FRAS1: variants seen among roughly 807,000 people sequenced by gnomAD.
FRAS1 encodes extracellular matrix organizing protein FRAS1.
FRAS1 carries 290 observed loss-of-function variants against 435.2 expected under a neutral mutation model. That is an observed-to-expected ratio of 0.67 (90% CI 0.61 to 0.73). The LOEUF (loss-of-function observed/expected upper bound fraction) is 0.73. Ranked by LOEUF, FRAS1 falls within the 30% of genes least tolerant of loss-of-function variation. The pLI is 0.00. For missense variants in FRAS1, 4,860 were observed against 5,001.5 expected, an observed-to-expected ratio of 0.97 and a Z score of 0.85; for synonymous variants, 1,800 against 1,851.0, an observed-to-expected ratio of 0.97 and a Z score of 0.71.
chr4:78,149,059 A>C (rs10440393), intron 2 of FRAS1, among the ~76,000 whole-genome samples: 13,900 of 152,222 alleles, frequency 0.091, 810 homozygotes, highest in African/African-American at 0.16. Context: ...GAATAAAGCA[A>C]CAGACTTGGA....
At chr4:78,195,218 C>T (rs940606276) in intron 2 of FRAS1, among the ~76,000 whole-genome samples, 9 of 152,326 alleles carry the variant, frequency 5.9e-5, no homozygotes, top group Admixed American at 2.6e-4. Flanking sequence ...ACTCGGGGGT[C>T]AGGGACCCAC....
At chr4:78,515,413 G>A (rs12507063) in intron 65 of FRAS1, among the ~76,000 whole-genome samples, 16 of 150,726 alleles carry the variant, frequency 1.1e-4, no homozygotes, top group Admixed American at 9.3e-4. Context: ...GAGCCATACA[G>A]TAAATCCATT....
At chr4:78,304,543 T>G (rs1048607336) in intron 14 of FRAS1, among the ~76,000 whole-genome samples, 1 of 152,028 alleles carries the variant, frequency 6.6e-6, no homozygotes, top group Non-Finnish European at 1.5e-5. Context: ...CAATTTCAGC[T>G]CCTGTTATTG....
At chr4:78,170,613 GA>G (rs1199366333) in intron 2 of FRAS1, among the ~76,000 whole-genome samples, 8 of 151,988 alleles carry the variant, frequency 5.3e-5, no homozygotes, top group Non-Finnish European at 8.8e-5. Flanking sequence ...CAAAGGAAAG[GA>G]AAAAAATGCA....
intron 2 of FRAS1, among the ~76,000 whole-genome samples, chr4:78,203,485 C>T (rs976865768): frequency 5.3e-5 from 8 of 152,274 alleles, no homozygotes; most frequent in African/African-American, 1.4e-4. Context: ...TTGAAACACT[C>T]GTTCTCAATT....
intron 2 of FRAS1, among the ~76,000 whole-genome samples, chr4:78,176,136 A>G (rs1721770515): frequency 6.6e-6 from 1 of 152,248 alleles, no homozygotes; most frequent in Non-Finnish European, 1.5e-5. Context: ...TCAGAAATGA[A>G]GTAATTTTTC....
intron 2 of FRAS1, among the ~76,000 whole-genome samples, chr4:78,190,804 T>G (rs1269792835): frequency 6.6e-6 from 1 of 152,220 alleles, no homozygotes; most frequent in Non-Finnish European, 1.5e-5. Context: ...TTCCATGGAC[T>G]GAATTGTTTA....
At chr4:78,471,193 A>G (rs910940410) in intron 51 of FRAS1, among the ~76,000 whole-genome samples, 2 of 152,162 alleles carry the variant, frequency 1.3e-5, no homozygotes, top group African/African-American at 2.4e-5. Flanking sequence ...TAATCATGTC[A>G]AGCACTAAAT....
intron 2 of FRAS1, among the ~76,000 whole-genome samples, chr4:78,187,465 G>A (rs1722321438): frequency 6.6e-6 from 1 of 152,162 alleles, no homozygotes; most frequent in Admixed American, 6.5e-5. Context: ...GGCCTCAGGT[G>A]TCCTACTGTC....
At chr4:78,156,203 T>A (rs1329772258) in intron 2 of FRAS1, among the ~76,000 whole-genome samples, 1 of 152,204 alleles carries the variant, frequency 6.6e-6, no homozygotes, top group African/African-American at 2.4e-5. Context: ...ATTGGAAAAC[T>A]ATTGAAATTC....
At chr4:78,397,594 G>A (rs976362192) in intron 29 of FRAS1, among the ~76,000 whole-genome samples, 1 of 152,152 alleles carries the variant, frequency 6.6e-6, no homozygotes, top group Non-Finnish European at 1.5e-5. Flanking sequence ...GTATCTTACA[G>A]AATTTGTGAG....
chr4:78,089,520 G>A (rs1174386739), intron 2 of FRAS1, among the ~76,000 whole-genome samples: 1 of 152,134 alleles, frequency 6.6e-6, no homozygotes, highest in African/African-American at 2.4e-5. Flanking sequence ...TGAGTTACAT[G>A]TGAATCATTT....
At chr4:78,182,177 A>T (rs1339957682) in intron 2 of FRAS1, 1 of 680,794 alleles carries the variant, frequency 1.5e-6, no homozygotes, top group East Asian at 2.9e-5. Flanking sequence ...TTCACAAATG[A>T]CCATAGAATT....
At chr4:78,246,341 G>A (rs1725245865) in intron 4 of FRAS1, among the ~76,000 whole-genome samples, 2 of 152,264 alleles carry the variant, frequency 1.3e-5, no homozygotes, top group South Asian at 4.1e-4. Context: ...TCAGTGTGGG[G>A]ACCTAAAACT....
Position 78,418,997 on chromosome 4 carries a change from A to G in FRAS1, c.4474A>G (p.Ile1492Val). The G allele has an allele frequency of 1.2e-6, 2 of 1,604,076 alleles. No individual in the cohort carries two copies. Among genetic ancestry groups the G allele is most frequent in the Non-Finnish European group, 1.7e-6 (2 of 1,176,596 alleles). Residue 1492 changes from isoleucine to valine, a missense_variant, in exon 33 of 74, where the codon ATA becomes GTA. Coordinates refer to ENST00000512123, the MANE Select transcript of FRAS1 (RefSeq NM_025074.7). The stretch of plus-strand genomic sequence containing the variant: ...TATTCAGCCTCATTCCCTCTCCTTC[A>G]TAAACTCTGAGAAGCCAAGTGGAAA... ...TVIQPHSLSF[I>V]NSEKPSGKIV...
intron 61 of FRAS1, among the ~76,000 whole-genome samples, chr4:78,504,502 T>C (rs9990780): frequency 0.31 from 46,703 of 151,924 alleles, 7,607 homozygotes; most frequent in South Asian, 0.52. Flanking sequence ...TTGATCTTTG[T>C]TGGTTTAAAA....
At chr4:78,310,697 G>A (rs1312244832) in intron 15 of FRAS1, among the ~76,000 whole-genome samples, 1 of 152,208 alleles carries the variant, frequency 6.6e-6, no homozygotes, top group Non-Finnish European at 1.5e-5. Context: ...GTTTCAAAAT[G>A]ACTTCAGAAA....
At chr4:78,121,307 G>T (rs2109964106) in intron 2 of FRAS1, among the ~76,000 whole-genome samples, 1 of 152,336 alleles carries the variant, frequency 6.6e-6, no homozygotes, top group East Asian at 1.9e-4. Flanking sequence ...TCTGGTGCCT[G>T]ACTGATGGTA....
At chr4:78,298,701 T>C (rs1196652725) in intron 14 of FRAS1, among the ~76,000 whole-genome samples, 3 of 152,212 alleles carry the variant, frequency 2.0e-5, no homozygotes, top group Non-Finnish European at 4.4e-5. Context: ...GTTGTTTCCA[T>C]GTAGAAGGTA....
Sources: gnomAD v4.1 joint callset for allele counts (sites outside exome capture counted in the v4.1 genomes callset) on GRCh38, gnomAD v4.1.1 for gene constraint, MANE v1.5 for transcripts, NCBI Gene and HGNC (gene_info 2026-07-23, HGNC 2026-07-21) for gene names.